The following ZNF284 variants were observed in gnomAD, a reference collection of about 807,000 sequenced individuals.
The protein encoded by ZNF284 is zinc finger protein 284.
ZNF284 carries 12 observed loss-of-function variants against 12.9 expected under a neutral mutation model. That is an observed-to-expected ratio of 0.93 (90% CI 0.60 to 1.51). ZNF284 has a LOEUF of 1.51. Ranked by LOEUF, ZNF284 falls within the 40% of genes most tolerant of loss-of-function variation. The pLI, the probability that ZNF284 is intolerant of heterozygous loss-of-function variation, is 0.00. For synonymous variants in ZNF284, 225 were observed against 236.5 expected, an observed-to-expected ratio of 0.95 and a Z score of 0.45; for missense variants, 667 against 707.3, an observed-to-expected ratio of 0.94 and a Z score of 0.65.
chr19:44,079,546 A>G (rs1012916569), intron 2 of ZNF284, among the ~76,000 whole-genome samples: 2 of 152,046 alleles, frequency 1.3e-5, no homozygotes, highest in African/African-American at 4.8e-5. Context: ...TGTCTCTACT[A>G]AAAATACAAA....
intron 2 of ZNF284, 121 bp from the exon 3 acceptor site, chr19:44,080,894 T>C: frequency 7.8e-7 from 1 of 1,276,288 alleles, no homozygotes; most frequent in Non-Finnish European, 1.1e-6. Context: ...ATCTGTATGT[T>C]GACCTACATC....
chr19:44,087,097 A>C lies in ZNF284; in HGVS notation c.1619A>C (p.Gln540Pro), dbSNP rs1266454594. Residue 540 changes from glutamine (Q) to proline (P), a missense_variant, in exon 5 of 5, where the codon CAA (glutamine) becomes CCA (proline). Coordinates refer to ENST00000421176, the MANE Select transcript of ZNF284 (RefSeq NM_001037813.4). ...CTCCACAGCAGAGAAAAACTATTCC[A>C]ATGTGAGGATTGTGGGAAGAGCAGT... Reference protein sequence around the residue: ...QRLHSREKLFQCEDCGKSSEH... With the variant: ...QRLHSREKLFPCEDCGKSSEH... 1 of 1,614,170 alleles carries C rather than the reference A, an allele frequency of 6.2e-7. No homozygotes were observed.
chr19:44,082,443 A>G (rs994176984), intron 4 of ZNF284, among the ~76,000 whole-genome samples: 1 of 152,200 alleles, frequency 6.6e-6, no homozygotes, highest in African/African-American at 2.4e-5. Context: ...CTCTCTGACT[A>G]CATCTCCATT....
Position 44,081,102 on chromosome 19 carries a change from G to A in ZNF284, c.103G>A (p.Asp35Asn). 6.2e-7 allele frequency: 1 copy of A among 1,613,076 alleles called. No homozygotes were observed. The highest frequency in any genetic ancestry group is 8.5e-7 in the Non-Finnish European group (1 of 1,179,344). ...LDVSQRKLYR[D>N]VMLENFRNLL... is the part of the protein sequence containing the mutation. ...CGTTTCCCAGAGGAAGCTGTATCGA[G>A]ATGTCATGCTGGAGAACTTCAGAAA... is the stretch of plus-strand genomic sequence containing the variant. The change falls in exon 3 of 5, where the codon GAT (aspartate) becomes AAT (asparagine). Residue 35 changes from aspartate to asparagine, a missense_variant. By Grantham distance (23) the Asp-to-Asn change is conservative. Transcript: ENST00000421176.
chr19:44,086,587 C>T lies in ZNF284; in HGVS notation c.1109C>T (p.Pro370Leu), dbSNP rs781434419. 1.9e-6 allele frequency: 3 copies of T among 1,614,168 alleles called. No homozygotes were observed. The highest frequency in any genetic ancestry group is 2.2e-5 in the South Asian group (2 of 91,070). Reference protein sequence around the residue: ...KHQMDHTGDKPYNCNVCGKGF... With the variant: ...KHQMDHTGDKLYNCNVCGKGF... ...CAGATGGACCATACAGGAGACAAAC[C>T]ATATAATTGTAATGTATGTGGGAAG... is the stretch of plus-strand genomic sequence containing the variant. The change falls in exon 5 of 5, where the codon CCA becomes CTA. Residue 370 changes from proline (P) to leucine (L), a missense_variant. Physicochemically the swap from Pro to Leu is moderately conservative, Grantham distance 98. Coordinates refer to ENST00000421176, the MANE Select transcript of ZNF284 (RefSeq NM_001037813.4).
chr19:44,083,444 T>C (rs536425038), intron 4 of ZNF284, among the ~76,000 whole-genome samples: 2 of 64,332 alleles, frequency 3.1e-5, no homozygotes, highest in Non-Finnish European at 7.3e-5. Flanking sequence ...AAAAAATAAA[T>C]AAAGAAATAT....
intron 1 of ZNF284, among the ~76,000 whole-genome samples, chr19:44,072,760 C>T (rs184218721): frequency 6.6e-6 from 1 of 152,332 alleles, no homozygotes; most frequent in East Asian, 1.9e-4. Context: ...TGGGTGATCC[C>T]GGACGCTTCT....
Position 44,085,754 on chromosome 19 carries a change from A to T in ZNF284, c.276A>T (p.Thr92=). Residue 92 remains threonine (T), a synonymous_variant, in exon 5 of 5, where the codon ACA becomes ACT. Transcript: ENST00000421176. ...CTGAGTTGGAGTCTGTTCCAGAAACAGGACCACATGAAGAGTGGTCTTGCC... is the reference window on the plus strand; with the variant it reads ...CTGAGTTGGAGTCTGTTCCAGAAACTGGACCACATGAAGAGTGGTCTTGCC... The part of the protein sequence containing the change: ...IQTELESVPE[T]GPHEEWSCQQ... The T allele has an allele frequency of 1.9e-6, 3 of 1,614,034 alleles. No individual in the cohort carries two copies. Among genetic ancestry groups the T allele is most frequent in the Non-Finnish European group, 2.5e-6 (3 of 1,179,920 alleles).
At chr19:44,084,637 G>A (rs534327172) in intron 4 of ZNF284, among the ~76,000 whole-genome samples, 120 of 152,240 alleles carry the variant, frequency 7.9e-4, no homozygotes, top group African/African-American at 2.6e-3. Context: ...TGTCCTTCAC[G>A]GCCCATTCCC....
chr19:44,086,048 T>G lies in ZNF284; in HGVS notation c.570T>G (p.Leu190=). ...AGAGATTCTGTTATAGCTCAGCTCT[T>G]TGTCTTCATCAGAAAGTTCACATGG... ...YRKRFCYSSA[L]CLHQKVHMGE... is the part of the protein sequence containing the mutation. The change falls in exon 5 of 5, where the codon CTT becomes CTG. Residue 190 remains leucine, a synonymous_variant. Transcript: ENST00000421176. 2 of 1,614,200 alleles carry G rather than the reference T, an allele frequency of 1.2e-6. No homozygotes were observed. Among genetic ancestry groups the G allele is most frequent in the Non-Finnish European group, 1.7e-6 (2 of 1,180,034 alleles).
At chr19:44,080,869 C>T (rs1458166446) in intron 2 of ZNF284, 146 bp from the exon 3 acceptor site, 37 of 1,099,422 alleles carry the variant, frequency 3.4e-5, no homozygotes, top group Non-Finnish European at 4.5e-5. Context: ...AGGATACAGA[C>T]AGAATGAATG....
rs755236385 is a variant in ZNF284 at position 44,086,092 on chromosome 19, G to A, written c.614G>A (p.Cys205Tyr). The A allele has an allele frequency of 6.2e-5, 100 of 1,614,214 alleles. No homozygotes were observed. In the East Asian group the frequency reaches 1.8e-3, roughly 30 times the overall value. Residue 205 changes from cysteine to tyrosine, a missense_variant, in exon 5 of 5, where the codon TGT (cysteine) becomes TAT (tyrosine). By Grantham distance (194) the Cys-to-Tyr change is radical. Coordinates refer to ENST00000421176, the MANE Select transcript of ZNF284 (RefSeq NM_001037813.4). ...KVHMGEKRYK[C>Y]DVCSKAFSQN... Reference sequence around the variant, plus strand: ...CACATGGGAGAGAAACGCTATAAGTGTGATGTGTGTAGTAAGGCATTTAGT... The same window carrying A: ...CACATGGGAGAGAAACGCTATAAGTATGATGTGTGTAGTAAGGCATTTAGT...
In ZNF284 at chr19:44,077,851, A is replaced by G. The variant is rs1967057508; in HGVS notation, c.15+1447A>G. 2.0e-5 allele frequency among the ~76,000 whole-genome samples: 3 copies of G among 152,066 alleles called. No homozygotes were observed. In the South Asian group the frequency reaches 6.2e-4, roughly 31 times the overall value. On this transcript the variant is annotated intron_variant, in intron 2 of 4. Transcript: ENST00000421176. ...TATGGGTGTCTGGAGTGCCCTCTTG[A>G]GTGATGACAACCACTGGTGACATAG...
Position 44,087,767 on chromosome 19 carries a change from CT to C in ZNF284, c.*525del, listed in dbSNP as rs142880841. On this transcript the variant is annotated 3_prime_UTR_variant, in exon 5 of 5. Transcript: ENST00000421176. ...CCACCACGCCCAGCTAATTTTTGTA[CT>C]TTTTTTTTTTTTTTTTTGAGACAGA... The C allele has an allele frequency of 4.0e-3, 491 of 122,770 alleles. 3 individuals are homozygous for C. The highest frequency in any genetic ancestry group is 0.013 in the Middle Eastern group (3 of 238). The allele number at this position is 122,770 out of a possible 1,614,324, so 7.6% of individuals were successfully genotyped here.
chr19:44,075,317 T>C (rs190491144), intron 1 of ZNF284, among the ~76,000 whole-genome samples: 3 of 152,362 alleles, frequency 2.0e-5, no homozygotes, highest in Admixed American at 1.3e-4. Context: ...TTTATATGCA[T>C]GGTTTTTTGA....
Position 44,086,019 on chromosome 19 carries a change from A to G in ZNF284, c.541A>G (p.Arg181Gly). The G allele has an allele frequency of 4.3e-6, 7 of 1,614,192 alleles. No homozygotes were observed. Among genetic ancestry groups the G allele is most frequent in the Non-Finnish European group, 5.9e-6 (7 of 1,180,024 alleles). Residue 181 changes from arginine (R) to glycine (G), a missense_variant, in exon 5 of 5, where the codon AGG becomes GGG. Coordinates refer to ENST00000421176, the MANE Select transcript of ZNF284 (RefSeq NM_001037813.4). ...GKISHTCNEY[R>G]KRFCYSSALC... ...GATATCCCATACATGTAATGAGTAC[A>G]GGAAGAGATTCTGTTATAGCTCAGC...
chr19:44,074,566 C>G (rs1269931701), intron 1 of ZNF284, among the ~76,000 whole-genome samples: 1 of 152,148 alleles, frequency 6.6e-6, no homozygotes, highest in Non-Finnish European at 1.5e-5. Context: ...TTGCTTGTAG[C>G]TTTCTGCAGC....
chr19:44,081,247 A>C lies in ZNF284; in HGVS notation c.142+106A>C, dbSNP rs1471088636. 2.2e-5 allele frequency: 29 copies of C among 1,314,236 alleles called. No homozygotes were observed. The East Asian group carries it at 7.7e-4, about 35-fold the overall frequency. 81.4% of individuals were successfully genotyped at this position (1,314,236 alleles called of 1,614,324 possible). A position where few individuals can be genotyped will look rare whatever the true frequency, so the allele number is the denominator to read the frequency against. On this transcript the variant is annotated intron_variant, in intron 3 of 4. Transcript: ENST00000421176. ...CTTATGCTGCTATGAAGAAATACCC[A>C]AGACTGGGTAATTTATAAAGAAAAG... is the stretch of plus-strand genomic sequence containing the variant.
intron 4 of ZNF284, among the ~76,000 whole-genome samples, chr19:44,083,442 A>G (rs1967158346): frequency 1.1e-5 from 1 of 94,706 alleles, no homozygotes; most frequent in Admixed American, 1.1e-4. Context: ...TCAAAAAATA[A>G]ATAAAGAAAT....
Sources: gnomAD v4.1 joint callset for allele counts (sites outside exome capture counted in the v4.1 genomes callset) on GRCh38, gnomAD v4.1.1 for gene constraint, MANE v1.5 for transcripts, NCBI Gene and HGNC (gene_info 2026-07-23, HGNC 2026-07-21) for gene names.